Variants in KIRREL3 observed in about 807,000 individuals in gnomAD.
The protein encoded by KIRREL3 is kirre like nephrin family adhesion molecule 3.
Under a neutral mutation model 89.7 loss-of-function variants are expected in KIRREL3, and 36 were observed. The observed-to-expected ratio is 0.40, with a 90% CI of 0.31 to 0.53. The LOEUF is 0.53. Among genes scored for constraint, KIRREL3 ranks in the 20% least tolerant of loss-of-function variants. The probability of loss-of-function intolerance (pLI) is 0.49; values close to 1 mark genes in which losing one functional copy is unlikely to be tolerated. For synonymous variants in KIRREL3, 445 were observed against 441.4 expected, an observed-to-expected ratio of 1.01 and a Z score of -0.10; for missense variants, 864 against 1,056.6, an observed-to-expected ratio of 0.82 and a Z score of 2.53.
At chr11:126,864,767 C>T (rs1944863245) in intron 1 of KIRREL3, among the ~76,000 whole-genome samples, 1 of 152,122 alleles carries the variant, frequency 6.6e-6, no homozygotes, top group Admixed American at 6.6e-5. Context: ...AAATAAATTG[C>T]CTTGAGTGCA....
chr11:126,732,798 C>A (rs1948673728), intron 1 of KIRREL3, among the ~76,000 whole-genome samples: 1 of 152,218 alleles, frequency 6.6e-6, no homozygotes, highest in South Asian at 2.1e-4. Context: ...AACCCCAGAG[C>A]ACTGCAGAGT....
chr11:126,997,996 G>A lies in KIRREL3; in HGVS notation c.55+2459C>T, dbSNP rs537678528. On this transcript the variant is annotated intron_variant, in intron 1 of 16. Coordinates refer to ENST00000525144, the MANE Select transcript of KIRREL3 (RefSeq NM_032531.4). This position sits in a 1 kb window ranked among gnomAD's most constrained non-coding sequence, Gnocchi z 4.3. ...AAGCAGGTGGCTGTGTGAGGGTGCC[G>A]GGTGGGGGGGTGTAACCTCAGGCCT... is the stretch of plus-strand genomic sequence containing the variant. Among the ~76,000 whole-genome samples, 69 of 152,220 alleles carry A rather than the reference G, an allele frequency of 4.5e-4. No individual in the cohort carries two copies. Among genetic ancestry groups the A allele is most frequent in the African/African-American group, 1.5e-3 (63 of 41,520 alleles).
intron 2 of KIRREL3, among the ~76,000 whole-genome samples, chr11:126,552,221 G>C (rs985252958): frequency 2.6e-5 from 4 of 152,076 alleles, no homozygotes; most frequent in South Asian, 4.1e-4. Context: ...CATTGGGTTC[G>C]GCCACTGTGT....
In KIRREL3 at chr11:126,565,458, GGC is replaced by G. The variant is rs1940446743; in HGVS notation, c.56-2548_56-2547del. Among the ~76,000 whole-genome samples, 1 of 152,194 alleles carries G rather than the reference GGC, an allele frequency of 6.6e-6. No homozygotes were observed. Among genetic ancestry groups the G allele is most frequent in the African/African-American group, 2.4e-5 (1 of 41,442 alleles). On this transcript the variant is annotated intron_variant, in intron 1 of 16. Coordinates refer to ENST00000525144, the MANE Select transcript of KIRREL3 (RefSeq NM_032531.4). The surrounding 1 kb of genome is among the most constrained non-coding windows in gnomAD (Gnocchi z 5.4). ...AATGAGGCAATTTCTCAATGTATTT[GGC>G]TCATTTAATTTGACACGCGTGGGTT... is the stretch of plus-strand genomic sequence containing the variant.
rs1306891393 is a variant in KIRREL3 at position 126,474,402 on chromosome 11, G to A, written c.434-936C>T. ...ACTGGCTCAAGGTCACATGGTGGCA[G>A]AGCCAGGGCTGGAGGCCAGGCCCAG... On this transcript the variant is annotated intron_variant, in intron 4 of 16. Transcript: ENST00000525144. This position sits in a 1 kb window ranked among gnomAD's most constrained non-coding sequence, Gnocchi z 6.7. Among the ~76,000 whole-genome samples the A allele has an allele frequency of 6.6e-6, 1 of 152,268 alleles. No homozygotes were observed. The highest frequency in any genetic ancestry group is 1.5e-5 in the Non-Finnish European group (1 of 68,046).
At position 126,535,574 on chromosome 11, in the gene KIRREL3, G is replaced by GTGT. The variant is rs1565531534; in HGVS notation, c.134-8888_134-8887insACA. 1.3e-5 allele frequency among the ~76,000 whole-genome samples: 2 copies of GTGT among 150,758 alleles called. No homozygotes were observed. Among genetic ancestry groups the GTGT allele is most frequent in the East Asian group, 2.0e-4 (1 of 5,114 alleles). Reference sequence around the variant, plus strand: ...GGCAGCACTGCAGGGTGCTGGGTCGGGTGTGTGTGTGTGTGTGTGCACGTG... The same window carrying GTGT: ...GGCAGCACTGCAGGGTGCTGGGTCGGTGTGTGTGTGTGTGTGTGTGTGCACGTG... On this transcript the variant is annotated intron_variant, in intron 2 of 16. Transcript: ENST00000525144. This position sits in a 1 kb window ranked among gnomAD's most constrained non-coding sequence, Gnocchi z 4.5.
In KIRREL3 at chr11:126,454,554, G is replaced by C. The variant is rs1376062985; in HGVS notation, c.848+1795C>G. Among the ~76,000 whole-genome samples the C allele has an allele frequency of 6.6e-6, 1 of 152,180 alleles. No homozygotes were observed. Among genetic ancestry groups the C allele is most frequent in the Non-Finnish European group, 1.5e-5 (1 of 68,038 alleles). ...GATATTTTCTGGGCATGTTGTACCTGGTGTTTAGGGACCAGGAGCAGAGAC... is the reference window on the plus strand; with the variant it reads ...GATATTTTCTGGGCATGTTGTACCTCGTGTTTAGGGACCAGGAGCAGAGAC... On this transcript the variant is annotated intron_variant, in intron 7 of 16. Coordinates refer to ENST00000525144, the MANE Select transcript of KIRREL3 (RefSeq NM_032531.4). The surrounding 1 kb of genome is among the most constrained non-coding windows in gnomAD (Gnocchi z 5.8).
chr11:126,829,680 C>G (rs1943539454), intron 1 of KIRREL3, among the ~76,000 whole-genome samples: 1 of 152,068 alleles, frequency 6.6e-6, no homozygotes, highest in African/African-American at 2.4e-5. Flanking sequence ...GTGCCAGGGA[C>G]CAAGCATAGG....
rs567733145 is a variant in KIRREL3, at chr11:126,614,051, T to G, written c.56-51139A>C. On this transcript the variant is annotated intron_variant, in intron 1 of 16. Transcript: ENST00000525144. This position sits in a 1 kb window ranked among gnomAD's most constrained non-coding sequence, Gnocchi z 4.6. Reference sequence around the variant, plus strand: ...TTCTTTTCTGTGTAATTCTTTTGGCTGAAAACTGAATAGAGTTCTCCCTTT... The same window carrying G: ...TTCTTTTCTGTGTAATTCTTTTGGCGGAAAACTGAATAGAGTTCTCCCTTT... 8.8e-4 allele frequency among the ~76,000 whole-genome samples: 133 copies of G among 151,986 alleles called. No homozygotes were observed. The highest frequency in any genetic ancestry group is 2.7e-3 in the African/African-American group (112 of 41,272).
In KIRREL3 at chr11:126,860,327, G is replaced by GGA. The variant is rs1404498913; in HGVS notation, c.55+140127_55+140128insTC. 5.3e-5 allele frequency among the ~76,000 whole-genome samples: 8 copies of GGA among 152,270 alleles called. 1 individual carries two copies. The highest frequency in any genetic ancestry group is 3.9e-4 in the Admixed American group (6 of 15,290). ...TCTGATTAAATTTAATAAAGGCGTG[G>GGA]GCAATGGGTCTGGGAGCACAGAGAA... On this transcript the variant is annotated intron_variant, in intron 1 of 16. Transcript: ENST00000525144. The surrounding 1 kb of genome is among the most constrained non-coding windows in gnomAD (Gnocchi z 4.6).
At chr11:126,951,411 G>A (rs961554635) in intron 1 of KIRREL3, among the ~76,000 whole-genome samples, 51 of 152,236 alleles carry the variant, frequency 3.4e-4, no homozygotes, top group African/African-American at 1.2e-3. Flanking sequence ...TTTATTGCCT[G>A]CAGCATCTGG....
intron 4 of KIRREL3, among the ~76,000 whole-genome samples, chr11:126,482,973 A>G (rs936710590): frequency 6.6e-6 from 1 of 152,262 alleles, no homozygotes; most frequent in African/African-American, 2.4e-5. Context: ...ACTCCAAGAT[A>G]TCGCATCTTA....
chr11:126,457,268 T>C (rs1429071272), intron 6 of KIRREL3, among the ~76,000 whole-genome samples: 2 of 117,396 alleles, frequency 1.7e-5, no homozygotes, highest in East Asian at 3.9e-4. Flanking sequence ...TGTATGCATG[T>C]GTGTGTATGC....
chr11:126,539,259 A>G (rs1938164890), intron 2 of KIRREL3, among the ~76,000 whole-genome samples: 1 of 152,196 alleles, frequency 6.6e-6, no homozygotes, highest in Non-Finnish European at 1.5e-5. Flanking sequence ...TTACAAGCCT[A>G]GCAGGCTGGG....
chr11:126,931,297 A>C lies in KIRREL3; in HGVS notation c.55+69158T>G, dbSNP rs1057335119. Reference sequence around the variant, plus strand: ...GATGTACTGAAATCAAGATTGAATGAATGAATGAATGGATAGACTGGAATC... The same window carrying C: ...GATGTACTGAAATCAAGATTGAATGCATGAATGAATGGATAGACTGGAATC... On this transcript the variant is annotated intron_variant, in intron 1 of 16. Transcript: ENST00000525144. This position sits in a 1 kb window ranked among gnomAD's most constrained non-coding sequence, Gnocchi z 5.1. Among the ~76,000 whole-genome samples the C allele has an allele frequency of 6.6e-6, 1 of 152,142 alleles. No homozygotes were observed. Among genetic ancestry groups the C allele is most frequent in the Non-Finnish European group, 1.5e-5 (1 of 68,018 alleles).
At chr11:126,765,382 G>A (rs879517399) in intron 1 of KIRREL3, among the ~76,000 whole-genome samples, 6 of 152,130 alleles carry the variant, frequency 3.9e-5, no homozygotes, top group East Asian at 3.8e-4. Flanking sequence ...GTGTGTGTGC[G>A]GGGAGAAATC....
intron 10 of KIRREL3, among the ~76,000 whole-genome samples, chr11:126,442,256 A>G (rs191731628): frequency 0.012 from 1,315 of 107,912 alleles, 10 homozygotes; most frequent in Admixed American, 0.02. Flanking sequence ...GCGAGACTCC[A>G]GCTCAAAAAA....
rs897668492 is a variant in KIRREL3 at position 126,682,581 on chromosome 11, T to C, written c.56-119669A>G. Among the ~76,000 whole-genome samples, 2 of 152,106 alleles carry C rather than the reference T, an allele frequency of 1.3e-5. No individual in the cohort carries two copies. The highest frequency in any genetic ancestry group is 2.4e-5 in the African/African-American group (1 of 41,406). Reference sequence around the variant, plus strand: ...CAGCATTTTTGGCACCAGGGACAGGTTTCATGGATGGCAATTTTTCCATGG... The same window carrying C: ...CAGCATTTTTGGCACCAGGGACAGGCTTCATGGATGGCAATTTTTCCATGG... On this transcript the variant is annotated intron_variant, in intron 1 of 16. Coordinates refer to ENST00000525144, the MANE Select transcript of KIRREL3 (RefSeq NM_032531.4). The surrounding 1 kb of genome is among the most constrained non-coding windows in gnomAD (Gnocchi z 4.8).
chr11:126,758,830 G>A (rs931102101), intron 1 of KIRREL3, among the ~76,000 whole-genome samples: 1 of 152,184 alleles, frequency 6.6e-6, no homozygotes, highest in African/African-American at 2.4e-5. Flanking sequence ...AGCAGAAAAA[G>A]CTTTGACCGA....
Sources: gnomAD v4.1 joint callset for allele counts (sites outside exome capture counted in the v4.1 genomes callset) on GRCh38, gnomAD v4.1.1 for gene constraint, Gnocchi (gnomAD v3.1) non-coding constraint, MANE v1.5 for transcripts, NCBI Gene and HGNC (gene_info 2026-07-23, HGNC 2026-07-21) for gene names.